RAD51B: variants seen among roughly 807,000 people sequenced by gnomAD.
The protein encoded by RAD51B is DNA repair protein RAD51 homolog 2.
RAD51B carries 38 observed loss-of-function variants against 42.2 expected under a neutral mutation model. The ratio of observed to expected loss-of-function variants is 0.90; its 90% CI spans 0.70 to 1.18. The LOEUF (loss-of-function observed/expected upper bound fraction) is 1.18. RAD51B is among the 50% of genes most tolerant of loss of function. The probability of loss-of-function intolerance (pLI) is 0.00; values close to 1 mark genes in which losing one functional copy is unlikely to be tolerated. For missense variants in RAD51B, 373 were observed against 400.7 expected, an observed-to-expected ratio of 0.93 and a Z score of 0.59; for synonymous variants, 154 against 145.2, an observed-to-expected ratio of 1.06 and a Z score of -0.43.
intron 7 of RAD51B, among the ~76,000 whole-genome samples, chr14:67,973,071 A>G (rs2074928220): frequency 1.3e-5 from 2 of 152,138 alleles, no homozygotes; most frequent in Non-Finnish European, 2.9e-5. Context: ...CACAGTGATG[A>G]CAATGTAATT....
At chr14:68,151,842 T>C (rs1404372497) in intron 7 of RAD51B, among the ~76,000 whole-genome samples, 4 of 117,198 alleles carry the variant, frequency 3.4e-5, no homozygotes, top group African/African-American at 1.3e-4. Flanking sequence ...TTTTTTTTTT[T>C]TTTTTTTTTT....
intron 7 of RAD51B, among the ~76,000 whole-genome samples, chr14:68,181,267 C>T (rs1415819176): frequency 6.6e-6 from 1 of 152,184 alleles, no homozygotes; most frequent in Non-Finnish European, 1.5e-5. Context: ...TCCATGAATA[C>T]CTTGCCATGT....
chr14:68,319,583 G>A (rs995620347), intron 8 of RAD51B, among the ~76,000 whole-genome samples: 4 of 152,172 alleles, frequency 2.6e-5, no homozygotes, highest in Admixed American at 2.0e-4. Flanking sequence ...CAGCTCTGGA[G>A]ATCCAATTCT....
intron 10 of RAD51B, among the ~76,000 whole-genome samples, chr14:68,586,867 T>C (rs924159586): frequency 1.3e-5 from 2 of 152,038 alleles, no homozygotes; most frequent in African/African-American, 4.8e-5. Flanking sequence ...TAGCTGGGTG[T>C]GGTGGCGTGT....
chr14:68,597,801 G>GC (rs1555430370), downstream of RAD51B, among the ~76,000 whole-genome samples: 3 of 20,354 alleles, frequency 1.5e-4, no homozygotes, highest in South Asian at 3.1e-3. Flanking sequence ...TAAAATACAA[G>GC]TTAAAAAAAA....
At chr14:68,431,111 A>G (rs10135443) in intron 9 of RAD51B, among the ~76,000 whole-genome samples, 24,930 of 151,960 alleles carry the variant, frequency 0.16, 4,173 homozygotes, top group African/African-American at 0.43. Context: ...CCACTTGATC[A>G]TGGTGGATAA....
chr14:68,257,659 T>G (rs2080781704), intron 7 of RAD51B, among the ~76,000 whole-genome samples: 1 of 152,170 alleles, frequency 6.6e-6, no homozygotes, highest in East Asian at 1.9e-4. Context: ...GAGTTTTTGC[T>G]AAGATTGCGG....
Position 67,885,876 on chromosome 14 carries a change from G to T in RAD51B, c.460G>T (p.Glu154Ter). Residue 154 changes from glutamate to a stop codon, truncating the protein, a stop_gained, in exon 6 of 11, where the codon GAA becomes TAA. Coordinates refer to ENST00000471583, the MANE Select transcript of RAD51B (RefSeq NM_133510.4). LOFTEE classifies it high-confidence loss of function. ...ESAFSAERLV[E>*]IAESRFPRYF... The stretch of plus-strand genomic sequence containing the variant: ...TATTTTTTTCACCCACAGACTGGTT[G>T]AAATAGCAGAATCCCGTTTTCCCAG... 1 of 1,606,252 alleles carries T rather than the reference G, an allele frequency of 6.2e-7. No individual in the cohort carries two copies. Among genetic ancestry groups the T allele is most frequent in the South Asian group, 1.1e-5 (1 of 90,334 alleles).
chr14:68,433,477 C>T lies in RAD51B; in HGVS notation c.957+21950C>T, dbSNP rs541780681. ...ATTCTTTTTTCTCTAAACTTCTCTT[C>T]TTGCTTTATTTCATTCATTTGATCT... On this transcript the variant is annotated intron_variant, in intron 9 of 10. Transcript: ENST00000471583. Among the ~76,000 whole-genome samples the T allele has an allele frequency of 1.2e-4, 18 of 152,162 alleles. 1 individual carries two copies. The highest frequency in any genetic ancestry group is 3.9e-4 in the Admixed American group (6 of 15,296).
chr14:68,277,148 C>T (rs1303482229), intron 7 of RAD51B, among the ~76,000 whole-genome samples: 2 of 152,140 alleles, frequency 1.3e-5, no homozygotes, highest in African/African-American at 4.8e-5. Context: ...CTTGGAAGCT[C>T]TTTGGCTGAA....
At chr14:68,532,139 A>T (rs1887350035) in intron 10 of RAD51B, among the ~76,000 whole-genome samples, 1 of 152,244 alleles carries the variant, frequency 6.6e-6, no homozygotes. Flanking sequence ...TTTTCTGACC[A>T]CAGTGGAATC....
rs114950556 is a variant in RAD51B, at chr14:68,367,621, G to A, written c.854-43803G>A. ...TCCAGAGGAGACTAGAGGAGATAACGAGAGATGAGTCGACAGCACAGGAAA... is the reference window on the plus strand; with the variant it reads ...TCCAGAGGAGACTAGAGGAGATAACAAGAGATGAGTCGACAGCACAGGAAA... On this transcript the variant is annotated intron_variant, in intron 8 of 10. Coordinates refer to ENST00000471583, the MANE Select transcript of RAD51B (RefSeq NM_133510.4). Among the ~76,000 whole-genome samples, 236 of 152,268 alleles carry A rather than the reference G, an allele frequency of 1.5e-3. 1 individual carries two copies. Among genetic ancestry groups the A allele is most frequent in the African/African-American group, 5.5e-3 (227 of 41,552 alleles).
intron 8 of RAD51B, among the ~76,000 whole-genome samples, chr14:68,352,084 T>A (rs1344723318): frequency 1.3e-5 from 2 of 152,158 alleles, no homozygotes; most frequent in Non-Finnish European, 2.9e-5. Flanking sequence ...GATATAGGTG[T>A]ACTGGAGCTC....
At chr14:68,209,716 A>G (rs548224358) in intron 7 of RAD51B, among the ~76,000 whole-genome samples, 5 of 152,258 alleles carry the variant, frequency 3.3e-5, no homozygotes, top group Non-Finnish European at 7.4e-5. Context: ...CTTAACTACC[A>G]TCTTGCTAGA....
At chr14:68,161,695 C>T (rs1271861687) in intron 7 of RAD51B, among the ~76,000 whole-genome samples, 2 of 152,162 alleles carry the variant, frequency 1.3e-5, no homozygotes, top group African/African-American at 4.8e-5. Flanking sequence ...TGAATTTTCA[C>T]GAGGCTGCAT....
chr14:67,891,566 G>A (rs577842105), intron 7 of RAD51B, among the ~76,000 whole-genome samples: 8 of 151,942 alleles, frequency 5.3e-5, no homozygotes, highest in Non-Finnish European at 1.0e-4. Context: ...ATATAACAAG[G>A]TTAAATTTTT....
At chr14:68,359,763 A>G (rs1566831765) in intron 8 of RAD51B, among the ~76,000 whole-genome samples, 1 of 152,214 alleles carries the variant, frequency 6.6e-6, no homozygotes, top group Non-Finnish European at 1.5e-5. Context: ...TTCTCTCTCT[A>G]AAAAGAGTGG....
chr14:67,824,273 T>A (rs953994668), intron 2 of RAD51B, among the ~76,000 whole-genome samples: 2 of 152,150 alleles, frequency 1.3e-5, no homozygotes, highest in Non-Finnish European at 2.9e-5. Context: ...GTTTGTTTGT[T>A]TAGAGTCAGT....
chr14:67,995,110 G>C (rs114239649), intron 7 of RAD51B, among the ~76,000 whole-genome samples: 6,038 of 152,092 alleles, frequency 0.04, 302 homozygotes, highest in African/African-American at 0.12. Flanking sequence ...ACACTCGGCC[G>C]GGCATGGTTG....
Sources: allele counts gnomAD v4.1 joint callset (sites outside exome capture counted in the v4.1 genomes callset), GRCh38; gene constraint gnomAD v4.1.1; transcripts MANE v1.5; gene names NCBI Gene and HGNC (gene_info 2026-07-23, HGNC 2026-07-21).